AFF4: variants seen among roughly 807,000 people sequenced by gnomAD.
The protein encoded by AFF4 is AF4/FMR2 family member 4.
A neutral mutation model predicts 124.8 loss-of-function variants in AFF4; 13 were observed. The ratio of observed to expected loss-of-function variants is 0.10; its 90% CI spans 0.07 to 0.17. The LOEUF is 0.17. AFF4 is among the 10% of genes least tolerant of loss of function. The pLI is 1.00. For missense variants in AFF4, 1,092 were observed against 1,403.8 expected, an observed-to-expected ratio of 0.78 and a Z score of 3.55; for synonymous variants, 477 against 496.1, an observed-to-expected ratio of 0.96 and a Z score of 0.51.
At chr5:132,894,197 T>C (rs532692758) in intron 11 of AFF4, among the ~76,000 whole-genome samples, 1 of 152,362 alleles carries the variant, frequency 6.6e-6, no homozygotes, top group South Asian at 2.1e-4. Flanking sequence ...TAACTAGCAG[T>C]ACAACTGCAG....
At chr5:132,913,276 A>G (rs1458422598) in intron 5 of AFF4, among the ~76,000 whole-genome samples, 1 of 152,240 alleles carries the variant, frequency 6.6e-6, no homozygotes, top group Non-Finnish European at 1.5e-5. Flanking sequence ...ACAGAGTTTG[A>G]GAAAGCATGA....
In AFF4 at chr5:132,899,126, T is replaced by C. The variant is rs368333989; in HGVS notation, c.1204A>G (p.Met402Val). ...SDGEQDCDKT[M>V]PRSTPGSNSE... ...CACCTTCCTGGTGTACTCCTCGGCATTGTCTTATCACAATCCTAAAATTAA... is the reference window on the plus strand; with the variant it reads ...CACCTTCCTGGTGTACTCCTCGGCACTGTCTTATCACAATCCTAAAATTAA... Residue 402 changes from methionine to valine, a missense_variant, in exon 9 of 21, where the codon ATG becomes GTG. Around this residue, in one of 11 missense-constraint regions of AFF4, gnomAD observed 148 missense variants for 196.3 expected, o/e 0.75. Transcript: ENST00000265343. 165 of 1,613,318 alleles carry C rather than the reference T, an allele frequency of 1.0e-4. No individual in the cohort carries two copies. The highest frequency in any genetic ancestry group is 1.9e-4 in the South Asian group (17 of 91,040).
chr5:132,959,757 C>CTTTTTTTTTTT (rs1163731664), intron 1 of AFF4, among the ~76,000 whole-genome samples: 7 of 71,514 alleles, frequency 9.8e-5, no homozygotes, highest in Non-Finnish European at 1.7e-4. Flanking sequence ...GAGTGCTTTT[C>CTTTTTTTTTTT]TTTTTTTTTT....
chr5:132,915,883 A>C (rs1456146693), intron 5 of AFF4, among the ~76,000 whole-genome samples: 2 of 151,902 alleles, frequency 1.3e-5, no homozygotes, highest in East Asian at 1.9e-4. Context: ...AGTCACTAAC[A>C]CTAGATACTG....
At position 132,963,449 on chromosome 5, in the gene AFF4, G is replaced by GGCA. The variant is rs1181612598; in HGVS notation, c.-198_-196dup. The GGCA allele has an allele frequency of 6.3e-5, 25 of 398,390 alleles. No individual in the cohort carries two copies. In the East Asian group the frequency reaches 8.2e-4, roughly 13 times the overall value. The allele number at this position is 398,390 out of a possible 1,614,324, so 24.7% of individuals were successfully genotyped here. A position where few individuals can be genotyped will look rare whatever the true frequency, so the allele number is the denominator to read the frequency against. On this transcript the variant is annotated 5_prime_UTR_variant, in exon 1 of 21. Coordinates refer to ENST00000265343, the MANE Select transcript of AFF4 (RefSeq NM_014423.4). ...AAACGAAGGCGGCGTCGGCGGCGGC[G>GGCA]GCAGCGATGCGCCTCACACGGAACA...
rs931818428 is a variant in AFF4 at position 132,877,770 on chromosome 5, C to T, written c.*3289G>A. On this transcript the variant is annotated 3_prime_UTR_variant, in exon 21 of 21. Coordinates refer to ENST00000265343, the MANE Select transcript of AFF4 (RefSeq NM_014423.4). ...GCTCATTCATGAAGAAATGTACCAACGTTTCTGTCATTAAATACAAAATTA... is the reference window on the plus strand; with the variant it reads ...GCTCATTCATGAAGAAATGTACCAATGTTTCTGTCATTAAATACAAAATTA... 4 of 211,650 alleles carry T rather than the reference C, an allele frequency of 1.9e-5. No homozygotes were observed. The highest frequency in any genetic ancestry group is 1.8e-4 in the Admixed American group (3 of 17,012). 13.1% of individuals were successfully genotyped at this position (211,650 alleles called of 1,614,324 possible).
At position 132,886,330 on chromosome 5, in the gene AFF4, T is replaced by C; in HGVS notation, c.3079A>G (p.Thr1027Ala). ...CTTACCTTCAGGTGCTCTGTCAGTGTCTTTGAGTACTTCAGAGCATTTTCC... is the reference window on the plus strand; with the variant it reads ...CTTACCTTCAGGTGCTCTGTCAGTGCCTTTGAGTACTTCAGAGCATTTTCC... Reference protein sequence around the residue: ...KKENALKYSKTLTEHLKNSYN... With the variant: ...KKENALKYSKALTEHLKNSYN... The change falls in exon 18 of 21, where the codon ACA (threonine) becomes GCA (alanine). Residue 1027 changes from threonine (T) to alanine (A), a missense_variant. Thr to Ala is a moderately conservative substitution (Grantham distance 58). This residue lies in a region of AFF4 where 173 missense variants were observed against 294.9 expected (regional missense o/e 0.59). Coordinates refer to ENST00000265343, the MANE Select transcript of AFF4 (RefSeq NM_014423.4). 3 of 1,614,104 alleles carry C rather than the reference T, an allele frequency of 1.9e-6. No homozygotes were observed. The highest frequency in any genetic ancestry group is 2.5e-6 in the Non-Finnish European group (3 of 1,179,998).
At chr5:132,908,665 A>G (rs559077649) in intron 5 of AFF4, among the ~76,000 whole-genome samples, 1 of 151,122 alleles carries the variant, frequency 6.6e-6, no homozygotes, top group South Asian at 2.1e-4. Context: ...AAATACATAA[A>G]CAATGACAAT....
chr5:132,909,566 T>C (rs930576369), intron 5 of AFF4, among the ~76,000 whole-genome samples: 19 of 152,104 alleles, frequency 1.2e-4, no homozygotes, highest in African/African-American at 3.9e-4. Flanking sequence ...GTGTGTGAGA[T>C]AGAGAGATTA....
intron 5 of AFF4, among the ~76,000 whole-genome samples, chr5:132,908,776 A>ATATATATTT (rs375891983): frequency 1.5e-4 from 17 of 114,920 alleles, no homozygotes; most frequent in African/African-American, 4.8e-4. Flanking sequence ...ATATATATAT[A>ATATATATTT]TTTTTTTTTT....
In AFF4 at chr5:132,889,119, A is replaced by T; in HGVS notation, c.2692T>A (p.Ser898Thr). Residue 898 changes from serine to threonine, a missense_variant, in exon 14 of 21, where the codon TCT (serine) becomes ACT (threonine). Physicochemically the swap from Ser to Thr is moderately conservative, Grantham distance 58. Transcript: ENST00000265343. ...AGCTTTGTTCTCCGAGGCTTAGAAG[A>T]ATCAAGAGTTGGTGCAGATGGAGGA... ...NCPPSAPTLD[S>T]SKPRRTKLVF... The T allele has an allele frequency of 6.2e-7, 1 of 1,614,164 alleles. No individual in the cohort carries two copies. The highest frequency in any genetic ancestry group is 8.5e-7 in the Non-Finnish European group (1 of 1,179,982).
intron 10 of AFF4, 62 bp from the exon 11 acceptor site, chr5:132,897,302 C>CTT: frequency 2.6e-6 from 4 of 1,530,048 alleles, no homozygotes; most frequent in Admixed American, 3.8e-5. Flanking sequence ...GTTCTCCCTC[C>CTT]TTTACAACCT....
chr5:132,904,743 C>T (rs565756199), intron 5 of AFF4, among the ~76,000 whole-genome samples: 24 of 152,096 alleles, frequency 1.6e-4, no homozygotes, highest in East Asian at 9.7e-4. Flanking sequence ...AAGGTAATAC[C>T]GAAGACAGTG....
chr5:132,888,280 A>T (rs1282432907), intron 14 of AFF4, 120 bp from the exon 15 acceptor site: 1 of 731,698 alleles, frequency 1.4e-6, no homozygotes, highest in African/African-American at 1.8e-5. Flanking sequence ...GCTGTTACTA[A>T]GAATTTGTTT....
intron 4 of AFF4, 98 bp downstream of exon 4, chr5:132,932,080 C>T: frequency 2.7e-6 from 2 of 739,166 alleles, no homozygotes; most frequent in Non-Finnish European, 4.2e-6. Flanking sequence ...CAATCTGTTG[C>T]TTCAGATCCT....
intron 6 of AFF4, among the ~76,000 whole-genome samples, chr5:132,902,700 C>G (rs963362215): frequency 6.6e-6 from 1 of 152,180 alleles, no homozygotes; most frequent in African/African-American, 2.4e-5. Context: ...ACTATAAACT[C>G]ATACGATCTT....
At chr5:132,890,379 C>G (rs1337100502) in intron 13 of AFF4, among the ~76,000 whole-genome samples, 1 of 152,002 alleles carries the variant, frequency 6.6e-6, no homozygotes, top group African/African-American at 2.4e-5. Context: ...AAGCGATCCT[C>G]CAGCCAGCCT....
rs1759968315 is a variant in AFF4, at chr5:132,881,177, G to A, written c.3374C>T (p.Ala1125Val). Residue 1125 changes from alanine to valine, a missense_variant, in exon 21 of 21, where the codon GCT becomes GTT. By Grantham distance (64) the Ala-to-Val change is moderately conservative. This residue lies in a region of AFF4 where 173 missense variants were observed against 294.9 expected (regional missense o/e 0.59). Coordinates refer to ENST00000265343, the MANE Select transcript of AFF4 (RefSeq NM_014423.4). Reference protein sequence around the residue: ...QLSKEQKEFFAELDKVMGPLI... With the variant: ...QLSKEQKEFFVELDKVMGPLI... ...AGGGCCCATTACTTTATCCAGTTCA[G>A]CAAAGAATTCTAGAAAACCAAAAAC... The A allele has an allele frequency of 9.9e-6, 16 of 1,613,456 alleles. No individual in the cohort carries two copies. Among genetic ancestry groups the A allele is most frequent in the African/African-American group, 1.3e-5 (1 of 74,898 alleles).
chr5:132,954,422 G>A (rs1279970672), intron 1 of AFF4, among the ~76,000 whole-genome samples: 1 of 152,214 alleles, frequency 6.6e-6, no homozygotes, highest in Non-Finnish European at 1.5e-5. Context: ...AGCACACAGG[G>A]TGAGTGGGTG....
Sources: allele counts gnomAD v4.1 joint callset (sites outside exome capture counted in the v4.1 genomes callset), GRCh38; gene constraint gnomAD v4.1.1; regional missense constraint gnomAD v4.1.1; transcripts MANE v1.5; gene names NCBI Gene and HGNC (gene_info 2026-07-23, HGNC 2026-07-21).